The following MRPL20 variants were observed in gnomAD, a reference collection of about 807,000 sequenced individuals.
MRPL20 encodes mitochondrial ribosomal protein L20, also known as large ribosomal subunit protein bL20m.
MRPL20 carries 21 observed loss-of-function variants against 20.0 expected under a neutral mutation model. The ratio of observed to expected loss-of-function variants is 1.05; its 90% CI spans 0.74 to 1.51. MRPL20 has a LOEUF of 1.51. Among genes scored for constraint, MRPL20 ranks in the 40% most tolerant of loss-of-function variants. The pLI, the probability that MRPL20 is intolerant of heterozygous loss-of-function variation, is 0.00. For missense variants in MRPL20, 252 were observed against 185.6 expected, an observed-to-expected ratio of 1.36 and a Z score of -2.08; for synonymous variants, 104 against 73.0, an observed-to-expected ratio of 1.43 and a Z score of -2.17.
At position 1,406,906 on chromosome 1, in the gene MRPL20, T is replaced by G. The variant is rs947668736; in HGVS notation, c.198+3A>C. 6.2e-7 allele frequency: 1 copy of G among 1,611,674 alleles called. No homozygotes were observed. Among genetic ancestry groups the G allele is most frequent in the South Asian group, 1.1e-5 (1 of 91,044 alleles). On this transcript the variant is annotated splice_donor_region_variant and intron_variant, in intron 2 of 3. Coordinates refer to ENST00000344843, the MANE Select transcript of MRPL20 (RefSeq NM_017971.4). ...CCGGCGGGTGTCCCGGGTCCACGCTTACGGTCCTCATGTTCTTTTTCTTCA... is the reference window on the plus strand; with the variant it reads ...CCGGCGGGTGTCCCGGGTCCACGCTGACGGTCCTCATGTTCTTTTTCTTCA...
rs1645334608 is a variant in MRPL20, at chr1:1,402,007, G to GT, written c.*75dup. ...CATCCCTCATGTCTGTTATTGGGTT[G>GT]TAGATAAACAAAAGTATAAATCAAA... On this transcript the variant is annotated 3_prime_UTR_variant, in exon 4 of 4. Transcript: ENST00000344843. The GT allele has an allele frequency of 6.7e-7, 1 of 1,495,470 alleles. No homozygotes were observed. 92.6% of individuals were successfully genotyped at this position (1,495,470 alleles called of 1,614,324 possible).
chr1:1,403,789 T>C (rs1388740900), intron 3 of MRPL20, among the ~76,000 whole-genome samples: 1 of 152,204 alleles, frequency 6.6e-6, no homozygotes, highest in Non-Finnish European at 1.5e-5. Flanking sequence ...TTCCCCTTCC[T>C]TTCTGTAAGT....
chr1:1,407,262 A>T lies in MRPL20; in HGVS notation c.-45T>A. The T allele has an allele frequency of 6.7e-7, 1 of 1,501,458 alleles. No individual in the cohort carries two copies. Among genetic ancestry groups the T allele is most frequent in the Non-Finnish European group, 9.1e-7 (1 of 1,101,688 alleles). 93.0% of individuals were successfully genotyped at this position (1,501,458 alleles called of 1,614,324 possible). A position where few individuals can be genotyped will look rare whatever the true frequency, so the allele number is the denominator to read the frequency against. ...CCCGAACACTCAACAACGCACGCGC[A>T]GCGCCGCTGCCATCTTGCCCGGGTC... On this transcript the variant is annotated 5_prime_UTR_variant, in exon 1 of 4. Coordinates refer to ENST00000344843, the MANE Select transcript of MRPL20 (RefSeq NM_017971.4).
Position 1,405,333 on chromosome 1 carries a change from G to A in MRPL20, c.276+476C>T, listed in dbSNP as rs1645372810. On this transcript the variant is annotated intron_variant, in intron 3 of 3. Transcript: ENST00000344843. ...CTCTCACCTAGGCTAGAGTGCAGTG[G>A]TACCATCATAGCTCACTGCAGCTTC... 1.2e-5 allele frequency: 5 copies of A among 401,744 alleles called. No individual in the cohort carries two copies. In the South Asian group the frequency reaches 1.5e-4, roughly 12 times the overall value. The allele number at this position is 401,744 out of a possible 1,614,324, so 24.9% of individuals were successfully genotyped here. A position where few individuals can be genotyped will look rare whatever the true frequency, so the allele number is the denominator to read the frequency against.
At chr1:1,403,701 G>A (rs972153873) in intron 3 of MRPL20, among the ~76,000 whole-genome samples, 1 of 151,902 alleles carries the variant, frequency 6.6e-6, no homozygotes, top group African/African-American at 2.4e-5. Flanking sequence ...ACAAGCAGAG[G>A]GACTAGCATA....
In MRPL20 at chr1:1,402,225, G is replaced by A. The variant is rs1396611949; in HGVS notation, c.308C>T (p.Ala103Val). 6.8e-6 allele frequency: 11 copies of A among 1,613,110 alleles called. No individual in the cohort carries two copies. In the Admixed American group the frequency reaches 8.4e-5, roughly 12 times the overall value. The change falls in exon 4 of 4, where the codon GCG becomes GTG. Residue 103 changes from alanine to valine, a missense_variant. Physicochemically the swap from Ala to Val is moderately conservative, Grantham distance 64 (BLOSUM62 0). Coordinates refer to ENST00000344843, the MANE Select transcript of MRPL20 (RefSeq NM_017971.4). ...CQVELNRKVL[A>V]DLAIYEPKTF... ...CTTTGGCTCGTAGATGGCCAGATCC[G>A]CTAGGACTTTCCTGTTGAGCTCCAC...
intron 3 of MRPL20, 193 bp from the exon 4 acceptor site, chr1:1,402,449 G>A: frequency 7.3e-7 from 1 of 1,363,366 alleles, no homozygotes; most frequent in African/African-American, 1.5e-5. Flanking sequence ...GTGGACACGG[G>A]TGAGGGAAGC....
chr1:1,405,247 T>TCA (rs1321973685), intron 3 of MRPL20: 1 of 176,276 alleles, frequency 5.7e-6, no homozygotes, highest in Non-Finnish European at 1.2e-5. Flanking sequence ...AGTGCTGGGA[T>TCA]CACAGGCCTG....
At chr1:1,403,915 C>T (rs2100394435) in intron 3 of MRPL20, among the ~76,000 whole-genome samples, 1 of 152,284 alleles carries the variant, frequency 6.6e-6, no homozygotes, top group South Asian at 2.1e-4. Flanking sequence ...GATCTCAGCC[C>T]ACTGCAACTT....
intron 2 of MRPL20, chr1:1,406,622 C>T (rs1422982447): frequency 2.8e-5 from 13 of 470,948 alleles, no homozygotes; most frequent in Admixed American, 2.4e-4. Flanking sequence ...ATGAGAGCAG[C>T]AGCGACTAGG....
intron 2 of MRPL20, chr1:1,406,333 G>C: frequency 5.6e-6 from 1 of 178,824 alleles, no homozygotes; most frequent in Non-Finnish European, 1.2e-5. Flanking sequence ...CTGGGTGACA[G>C]CGCGAGACTC....
At chr1:1,404,414 A>G (rs1314020651) in intron 3 of MRPL20, among the ~76,000 whole-genome samples, 1 of 151,786 alleles carries the variant, frequency 6.6e-6, no homozygotes, top group African/African-American at 2.4e-5. Context: ...TCAGCCTCCC[A>G]AAGTGCTGGG....
At chr1:1,405,367 G>C in intron 3 of MRPL20, 1 of 491,408 alleles carries the variant, frequency 2.0e-6, no homozygotes, top group Non-Finnish European at 3.7e-6. Context: ...TCAAACTCCT[G>C]GGGGCTCAAA....
Position 1,402,265 on chromosome 1 carries a change from A to G in MRPL20, c.277-9T>C. 1 of 1,602,656 alleles carries G rather than the reference A, an allele frequency of 6.2e-7. No individual in the cohort carries two copies. Among genetic ancestry groups the G allele is most frequent in the Non-Finnish European group, 8.5e-7 (1 of 1,174,664 alleles). ...TTGAGCTCCACCTGGCACTGAAAAA[A>G]GAATGAATCAGAACCTGCTGTCAGT... is the stretch of plus-strand genomic sequence containing the variant. On this transcript the variant is annotated splice_polypyrimidine_tract_variant and intron_variant, in intron 3 of 3. Transcript: ENST00000344843.
chr1:1,403,013 C>T (rs1645347564), intron 3 of MRPL20, among the ~76,000 whole-genome samples: 1 of 151,588 alleles, frequency 6.6e-6, no homozygotes, highest in African/African-American at 2.4e-5. Flanking sequence ...CCTGTAGTCT[C>T]AGCTACTCAG....
chr1:1,406,776 T>TC (rs1645388689), intron 2 of MRPL20, 133 bp downstream of exon 2: 1 of 773,622 alleles, frequency 1.3e-6, no homozygotes. Context: ...ACATAATTTG[T>TC]CGGAGTTTCG....
At position 1,407,258 on chromosome 1, in the gene MRPL20, G is replaced by A. The variant is rs1213139503; in HGVS notation, c.-41C>T. 2.0e-6 allele frequency: 3 copies of A among 1,507,490 alleles called. No individual in the cohort carries two copies. Among genetic ancestry groups the A allele is most frequent in the East Asian group, 2.4e-5 (1 of 41,138 alleles). 93.4% of individuals were successfully genotyped at this position (1,507,490 alleles called of 1,614,324 possible). A position where few individuals can be genotyped will look rare whatever the true frequency, so the allele number is the denominator to read the frequency against. ...GCGTCCCGAACACTCAACAACGCAC[G>A]CGCAGCGCCGCTGCCATCTTGCCCG... On this transcript the variant is annotated 5_prime_UTR_variant, in exon 1 of 4. Transcript: ENST00000344843.
Position 1,406,555 on chromosome 1 carries a change from G to A in MRPL20, c.198+354C>T, listed in dbSNP as rs1423104977. 1.2e-5 allele frequency: 4 copies of A among 331,418 alleles called. No individual in the cohort carries two copies. In the East Asian group the frequency reaches 2.3e-4, roughly 19 times the overall value. 20.5% of individuals were successfully genotyped at this position (331,418 alleles called of 1,614,324 possible). A position where few individuals can be genotyped will look rare whatever the true frequency, so the allele number is the denominator to read the frequency against. On this transcript the variant is annotated intron_variant, in intron 2 of 3. Transcript: ENST00000344843. ...CGGCAGCAGATAGTAGCCCTGGAGG[G>A]TTGGCAAGGGGCTGGGTTGACTTCA...
Position 1,407,231 on chromosome 1 carries a change from C to T in MRPL20, c.-14G>A, listed in dbSNP as rs1249937610. 3.8e-6 allele frequency: 6 copies of T among 1,586,118 alleles called. No individual in the cohort carries two copies. The highest frequency in any genetic ancestry group is 5.1e-6 in the Non-Finnish European group (6 of 1,166,038). On this transcript the variant is annotated 5_prime_UTR_variant, in exon 1 of 4. Transcript: ENST00000344843. The stretch of plus-strand genomic sequence containing the variant: ...GAGGAAGACCATGGCGCCTGCAGGC[C>T]GGCGTCCCGAACACTCAACAACGCA...
Sources: allele counts gnomAD v4.1 joint callset (sites outside exome capture counted in the v4.1 genomes callset), GRCh38; gene constraint gnomAD v4.1.1; transcripts MANE v1.5; gene names NCBI Gene and HGNC (gene_info 2026-07-23, HGNC 2026-07-21).